The following NCOA3 variants were observed in gnomAD, a reference collection of about 807,000 sequenced individuals.
The protein encoded by NCOA3 is nuclear receptor coactivator 3.
NCOA3 carries 51 observed loss-of-function variants against 158.8 expected under a neutral mutation model. The observed-to-expected ratio is 0.32, with a 90% CI of 0.26 to 0.41. The LOEUF (loss-of-function observed/expected upper bound fraction) is 0.41. Among genes scored for constraint, NCOA3 ranks in the 10% least tolerant of loss-of-function variants. The pLI is 1.00. For missense variants in NCOA3, 1,510 were observed against 1,746.6 expected (o/e 0.86, Z 2.41); for synonymous variants, 537 against 592.4 (o/e 0.91, Z 1.36).
chr20:47,598,570 C>A (rs968841868), intron 2 of NCOA3, among the ~76,000 whole-genome samples: 24 of 152,148 alleles, frequency 1.6e-4, no homozygotes, highest in African/African-American at 5.3e-4. Flanking sequence ...CTCCTGACCT[C>A]AAGTGATCCT....
intron 2 of NCOA3, among the ~76,000 whole-genome samples, chr20:47,595,068 A>G (rs1261255459): frequency 6.8e-6 from 1 of 146,742 alleles, no homozygotes; most frequent in African/African-American, 2.5e-5. Flanking sequence ...ATGGGATTAC[A>G]GGTGTGAGCC....
At chr20:47,550,845 T>C (rs568059934) in intron 1 of NCOA3, among the ~76,000 whole-genome samples, 1 of 152,304 alleles carries the variant, frequency 6.6e-6, no homozygotes, top group South Asian at 2.1e-4. Flanking sequence ...TCACTGACAG[T>C]GAAAAGTGTA....
intron 2 of NCOA3, among the ~76,000 whole-genome samples, chr20:47,616,343 G>A (rs1334619441): frequency 6.6e-6 from 1 of 151,436 alleles, no homozygotes; most frequent in Non-Finnish European, 1.5e-5. Flanking sequence ...ACAGGCATGT[G>A]TCACCACGCC....
chr20:47,539,783 C>G (rs1328961652), intron 1 of NCOA3, among the ~76,000 whole-genome samples: 2 of 152,204 alleles, frequency 1.3e-5, no homozygotes, highest in Non-Finnish European at 2.9e-5. Flanking sequence ...CCTTGGCCCC[C>G]CAAAGTGTTG....
intron 2 of NCOA3, among the ~76,000 whole-genome samples, chr20:47,613,005 C>A (rs1440242997): frequency 1.3e-5 from 2 of 152,166 alleles, no homozygotes; most frequent in Non-Finnish European, 2.9e-5. Context: ...AATTCAACTT[C>A]ATCAGGTTTA....
At chr20:47,509,269 C>T (rs921744646) in intron 1 of NCOA3, among the ~76,000 whole-genome samples, 1 of 152,026 alleles carries the variant, frequency 6.6e-6, no homozygotes, top group Non-Finnish European at 1.5e-5. Context: ...TGATGTGCGC[C>T]TGTGGTCCCA....
rs200715784 is a variant in NCOA3 at position 47,637,636 on chromosome 20, C to A, written c.2377-12C>A. On this transcript the variant is annotated splice_polypyrimidine_tract_variant and intron_variant, in intron 12 of 22. Transcript: ENST00000371998. ...AATGTATACAGGTTAATTTTTAAAA[C>A]TTTATTTTCAGGGATCTGGAGACTT... is the stretch of plus-strand genomic sequence containing the variant. The A allele has an allele frequency of 9.4e-5, 150 of 1,590,394 alleles. 1 individual carries two copies. In the African/African-American group the frequency reaches 1.6e-3, roughly 17 times the overall value.
intron 1 of NCOA3, among the ~76,000 whole-genome samples, chr20:47,527,296 T>G (rs1036136789): frequency 4.6e-5 from 7 of 152,192 alleles, no homozygotes; most frequent in African/African-American, 1.4e-4. Context: ...TGATCTGCTT[T>G]GTATTAGTAT....
rs371190272 is a variant in NCOA3 at position 47,636,057 on chromosome 20, C to G, written c.1671C>G (p.Thr557=). ...KLDNSPNMNI[T]QPSKVSNQDS... ...ATAACTCTCCCAATATGAATATTAC[C>G]CAACCAAGTAAAGTAAGCAATCAGG... Residue 557 remains threonine, a synonymous_variant, in exon 12 of 23, where the codon ACC becomes ACG. Transcript: ENST00000371998. The G allele has an allele frequency of 2.5e-6, 4 of 1,613,956 alleles. No homozygotes were observed. The African/African-American group carries it at 5.3e-5, about 22-fold the overall frequency.
chr20:47,541,305 A>G (rs3092251), intron 1 of NCOA3, among the ~76,000 whole-genome samples: 16,509 of 119,350 alleles, frequency 0.14, 2,092 homozygotes, highest in African/African-American at 0.31. Flanking sequence ...TTACATCACT[A>G]ATGTTCTCTC....
At chr20:47,640,371 CAT>C (rs1196299553) in intron 16 of NCOA3, among the ~76,000 whole-genome samples, 1 of 152,168 alleles carries the variant, frequency 6.6e-6, no homozygotes, top group African/African-American at 2.4e-5. Context: ...AAGATAAGTA[CAT>C]GTTTCTAGTG....
chr20:47,555,941 CTTT>C (rs36094546), intron 1 of NCOA3, among the ~76,000 whole-genome samples: 2 of 128,558 alleles, frequency 1.6e-5, no homozygotes, highest in Admixed American at 8.1e-5. Flanking sequence ...TGCACCCAGC[CTTT>C]TTTTTTTTTT....
chr20:47,639,403 T>C (rs2086567783), intron 14 of NCOA3, among the ~76,000 whole-genome samples, 174 bp from the exon 15 acceptor site: 1 of 152,218 alleles, frequency 6.6e-6, no homozygotes, highest in Non-Finnish European at 1.5e-5. Context: ...TTTTCCAGCC[T>C]GTTGAATATA....
chr20:47,573,094 A>G (rs2085318958), intron 1 of NCOA3, among the ~76,000 whole-genome samples: 1 of 152,290 alleles, frequency 6.6e-6, no homozygotes, highest in Admixed American at 6.5e-5. Flanking sequence ...TAACAATAGT[A>G]ACATTGAAGA....
intron 1 of NCOA3, among the ~76,000 whole-genome samples, chr20:47,526,758 AGGGAGAGGGAGACCATGGGGAGAGAG>A (rs2084459486): frequency 6.6e-6 from 1 of 151,882 alleles, no homozygotes; most frequent in Admixed American, 6.6e-5. Context: ...GTGGAAAGAG[AGGGAGAGGGAGACCATGGGGAGAGAG>A]GGGAGAGGGG....
chr20:47,647,599 G>T (rs6066426), intron 18 of NCOA3, among the ~76,000 whole-genome samples: 8,255 of 152,170 alleles, frequency 0.054, 280 homozygotes, highest in Non-Finnish European at 0.081. Flanking sequence ...GATTGCTCTT[G>T]GGGAAGAAAA....
chr20:47,631,351 C>T (rs1019507699), intron 8 of NCOA3: 5 of 152,234 alleles, frequency 3.3e-5, no homozygotes, highest in Non-Finnish European at 7.3e-5. Flanking sequence ...GCTTTCACAT[C>T]ATATCAGTCT....
At chr20:47,640,635 C>G (rs2086588603) in intron 16 of NCOA3, among the ~76,000 whole-genome samples, 1 of 151,168 alleles carries the variant, frequency 6.6e-6, no homozygotes, top group Non-Finnish European at 1.5e-5. Flanking sequence ...AATCCCAGCA[C>G]TTTGGGAGGC....
At chr20:47,562,391 T>C (rs1305313200) in intron 1 of NCOA3, among the ~76,000 whole-genome samples, 2 of 152,228 alleles carry the variant, frequency 1.3e-5, no homozygotes, top group Non-Finnish European at 2.9e-5. Context: ...TCACATACTT[T>C]CCAGTGTTTG....
Sources: allele counts gnomAD v4.1 joint callset (sites outside exome capture counted in the v4.1 genomes callset), GRCh38; gene constraint gnomAD v4.1.1; transcripts MANE v1.5; gene names NCBI Gene and HGNC (gene_info 2026-07-23, HGNC 2026-07-21).